The following OTOGL variants were observed in gnomAD, a reference collection of about 807,000 sequenced individuals.
The protein encoded by OTOGL is otogelin like, also known as otogelin-like protein.
Under a neutral mutation model 318.5 loss-of-function variants are expected in OTOGL, and 285 were observed. The ratio of observed to expected loss-of-function variants is 0.89; its 90% CI spans 0.81 to 0.99. The LOEUF (loss-of-function observed/expected upper bound fraction) is 0.99, where lower values mean the gene tolerates loss of function less well. Ranked by LOEUF, OTOGL falls within the 50% of genes least tolerant of loss-of-function variation. OTOGL has a pLI of 0.00. For synonymous variants in OTOGL, 987 were observed against 936.5 expected (o/e 1.05, Z -0.99); for missense variants, 2,899 against 2,845.6 (o/e 1.02, Z -0.43).
intron 8 of OTOGL, among the ~76,000 whole-genome samples, chr12:80,230,041 C>A (rs1169089037): frequency 6.6e-6 from 1 of 151,604 alleles, no homozygotes; most frequent in East Asian, 1.9e-4. Context: ...AATAATCTAC[C>A]TTCCAATCTA....
At chr12:80,145,698 T>A (rs1872304988) in intron 1 of OTOGL, among the ~76,000 whole-genome samples, 1 of 151,976 alleles carries the variant, frequency 6.6e-6, no homozygotes, top group Non-Finnish European at 1.5e-5. Context: ...GAGCATGGAA[T>A]GTTCTTCCAT....
In OTOGL at chr12:80,222,198, A is replaced by G. The variant is rs767339665; in HGVS notation, c.442A>G (p.Ile148Val). The change falls in exon 7 of 59, where the codon ATT becomes GTT. Residue 148 changes from isoleucine to valine, a missense_variant. Physicochemically the swap from Ile to Val is conservative, Grantham distance 29. Transcript: ENST00000547103. ...YYYFPGNCSY[I>V]FAKDCGDLEP... ...TTACTTCCCAGGAAACTGTTCTTACATTTTTGCAAAGGACTGTGGTGATTT... is the reference window on the plus strand; with the variant it reads ...TTACTTCCCAGGAAACTGTTCTTACGTTTTTGCAAAGGACTGTGGTGATTT... 1.3e-5 allele frequency: 21 copies of G among 1,598,380 alleles called. No homozygotes were observed. In the South Asian group the frequency reaches 2.2e-4, roughly 17 times the overall value.
intron 1 of OTOGL, among the ~76,000 whole-genome samples, chr12:80,116,189 G>A (rs1043043475): frequency 1.3e-5 from 2 of 152,184 alleles, no homozygotes; most frequent in Non-Finnish European, 2.9e-5. Context: ...GTAGGCACCT[G>A]AGGGAATCTC....
At chr12:80,170,086 A>G (rs1404305175) in intron 1 of OTOGL, among the ~76,000 whole-genome samples, 1 of 151,846 alleles carries the variant, frequency 6.6e-6, no homozygotes, top group Non-Finnish European at 1.5e-5. Context: ...CTGTCAAACA[A>G]TTTTCCAGAG....
chr12:80,374,686 T>A (rs1891083316), intron 57 of OTOGL, among the ~76,000 whole-genome samples: 1 of 152,084 alleles, frequency 6.6e-6, no homozygotes, highest in African/African-American at 2.4e-5. Flanking sequence ...AGACTCTTCC[T>A]TAGGTATGAG....
Position 80,209,491 on chromosome 12 carries a change from A to G in OTOGL, c.60A>G (p.Val20=), listed in dbSNP as rs769331844. The G allele has an allele frequency of 4.7e-6, 7 of 1,500,824 alleles. No individual in the cohort carries two copies. The South Asian group carries it at 7.3e-5, about 16-fold the overall frequency. 93.0% of individuals were successfully genotyped at this position (1,500,824 alleles called of 1,614,324 possible). ...CTTGGAGTATATTCTTGCTTCATGT[A>G]CTGCTGTTTTCATTACAAGGTAAGA... ...MIPWSIFLLH[V]LLFSLQEYIC... Residue 20 remains valine (V), a synonymous_variant, in exon 2 of 59, where the codon GTA becomes GTG. Coordinates refer to ENST00000547103, the MANE Select transcript of OTOGL (RefSeq NM_001378609.3).
chr12:80,126,612 A>G (rs1157407373), intron 1 of OTOGL, among the ~76,000 whole-genome samples: 2 of 152,060 alleles, frequency 1.3e-5, no homozygotes, highest in East Asian at 3.9e-4. Context: ...TTTCTGTCTC[A>G]TTGATCTGTC....
intron 50 of OTOGL, 72 bp from the exon 51 acceptor site, chr12:80,358,599 A>T: frequency 8.3e-7 from 1 of 1,200,274 alleles, no homozygotes. Flanking sequence ...AATGGCAGTG[A>T]ACTAAATGGT....
chr12:80,183,469 T>C (rs995140115), intron 1 of OTOGL, among the ~76,000 whole-genome samples: 7 of 152,174 alleles, frequency 4.6e-5, no homozygotes, highest in African/African-American at 1.7e-4. Context: ...AGAGATAGAA[T>C]CAGGATGTTT....
chr12:80,113,398 A>C (rs1354122817), intron 1 of OTOGL, among the ~76,000 whole-genome samples: 1 of 152,092 alleles, frequency 6.6e-6, no homozygotes, highest in Non-Finnish European at 1.5e-5. Context: ...TAGTGCTATA[A>C]ATTTCCCTCT....
chr12:80,196,870 T>C (rs1876107900), intron 1 of OTOGL, among the ~76,000 whole-genome samples: 1 of 152,192 alleles, frequency 6.6e-6, no homozygotes, highest in Non-Finnish European at 1.5e-5. Context: ...AACCTGAGAC[T>C]GGTTAAGGCC....
chr12:80,254,450 A>C lies in OTOGL; in HGVS notation c.1395-74A>C, dbSNP rs1881845574. 3.3e-6 allele frequency: 4 copies of C among 1,227,812 alleles called. No homozygotes were observed. In the South Asian group the frequency reaches 6.4e-5, roughly 20 times the overall value. The allele number at this position is 1,227,812 out of a possible 1,614,324, so 76.1% of individuals were successfully genotyped here. On this transcript the variant is annotated intron_variant, in intron 14 of 58. Coordinates refer to ENST00000547103, the MANE Select transcript of OTOGL (RefSeq NM_001378609.3). ...TAAACATGATATATTTTGGTCCATT[A>C]ATCAATACATTGATGCAAACATTAA...
chr12:80,258,326 A>T (rs985347376), intron 18 of OTOGL, among the ~76,000 whole-genome samples: 1 of 152,038 alleles, frequency 6.6e-6, no homozygotes, highest in Non-Finnish European at 1.5e-5. Context: ...CCATCTACCA[A>T]CCTTAACAGT....
chr12:80,305,614 CA>C lies in OTOGL; in HGVS notation c.3253del (p.Thr1085LeufsTer5). 6.4e-7 allele frequency: 1 copy of C among 1,573,212 alleles called. No individual in the cohort carries two copies. On this transcript the variant is annotated frameshift_variant, in exon 29 of 59. Coordinates refer to ENST00000547103, the MANE Select transcript of OTOGL (RefSeq NM_001378609.3). LOFTEE classifies it high-confidence loss of function. The part of the protein sequence containing the change: ...SGLCGNFDKC[T>X]SNDMTTSNNL... Reference sequence around the variant, plus strand: ...GATTGTGTGGAAACTTTGACAAATGCACTTCAAATGATATGACCACATCTAA... The same window carrying C: ...GATTGTGTGGAAACTTTGACAAATGCCTTCAAATGATATGACCACATCTAA...
chr12:80,282,932 C>T (rs1203714061), intron 26 of OTOGL, among the ~76,000 whole-genome samples: 1 of 151,904 alleles, frequency 6.6e-6, no homozygotes, highest in Non-Finnish European at 1.5e-5. Flanking sequence ...GATTTGGTTC[C>T]TTCAGAGCAA....
intron 34 of OTOGL, among the ~76,000 whole-genome samples, chr12:80,322,678 C>G (rs932693629): frequency 6.6e-6 from 1 of 152,160 alleles, no homozygotes; most frequent in Non-Finnish European, 1.5e-5. Context: ...AAGGACTTCT[C>G]TATGCTGTGG....
intron 27 of OTOGL, among the ~76,000 whole-genome samples, chr12:80,297,651 G>T (rs4842347): frequency 0.56 from 85,507 of 151,940 alleles, 27,024 homozygotes; most frequent in East Asian, 0.89. Context: ...GTACATTTTT[G>T]ATGGAAATCT....
intron 4 of OTOGL, among the ~76,000 whole-genome samples, chr12:80,213,866 T>A (rs1410051038): frequency 6.6e-6 from 1 of 152,224 alleles, no homozygotes; most frequent in Admixed American, 6.5e-5. Context: ...TACAAGGCCA[T>A]TCTTATCCAT....
At position 80,355,945 on chromosome 12, in the gene OTOGL, T is replaced by G; in HGVS notation, c.5803T>G (p.Cys1935Gly). Residue 1935 changes from cysteine (C) to glycine (G), a missense_variant, in exon 47 of 59, where the codon TGT becomes GGT. Transcript: ENST00000547103. Reference protein sequence around the residue: ...DKWTCCSKEVCGCDTTLCETS... With the variant: ...DKWTCCSKEVGGCDTTLCETS... ...ATGGACCTGCTGTTCAAAGGAAGTT[T>G]GTGGTATGTATGCAGAAGCCTTATA... is the stretch of plus-strand genomic sequence containing the variant. 2 of 1,613,770 alleles carry G rather than the reference T, an allele frequency of 1.2e-6. No homozygotes were observed. Among genetic ancestry groups the G allele is most frequent in the South Asian group, 2.2e-5 (2 of 91,082 alleles).
Sources: allele counts gnomAD v4.1 joint callset (sites outside exome capture counted in the v4.1 genomes callset), GRCh38; gene constraint gnomAD v4.1.1; transcripts MANE v1.5; gene names NCBI Gene and HGNC (gene_info 2026-07-23, HGNC 2026-07-21).